Variants in ASPM observed in about 807,000 individuals in gnomAD.
The protein encoded by ASPM is abnormal spindle-like microcephaly-associated protein.
Under a neutral mutation model 366.4 loss-of-function variants are expected in ASPM, and 256 were observed. That is an observed-to-expected ratio of 0.70 (90% CI 0.63 to 0.77). ASPM has a LOEUF of 0.77. ASPM is among the 30% of genes least tolerant of loss of function. ASPM has a pLI of 0.00. For missense variants in ASPM, 4,146 were observed against 4,090.4 expected, an observed-to-expected ratio of 1.01 and a Z score of -0.37; for synonymous variants, 1,414 against 1,342.9, an observed-to-expected ratio of 1.05 and a Z score of -1.16.
At chr1:197,114,831 C>T (rs540539588) in intron 17 of ASPM, among the ~76,000 whole-genome samples, 1 of 152,320 alleles carries the variant, frequency 6.6e-6, no homozygotes, top group Non-Finnish European at 1.5e-5. Context: ...TCACTGCAAC[C>T]TCCACCTCCC....
chr1:197,140,949 T>C (rs1658559566), intron 3 of ASPM, among the ~76,000 whole-genome samples: 1 of 152,184 alleles, frequency 6.6e-6, no homozygotes, highest in Non-Finnish European at 1.5e-5. Context: ...GTTGATATAA[T>C]GCCAGGTGGC....
chr1:197,128,401 G>A, intron 10 of ASPM, 89 bp downstream of exon 10: 2 of 1,292,094 alleles, frequency 1.5e-6, no homozygotes, highest in Non-Finnish European at 1.1e-6. Flanking sequence ...CTACTTGAAA[G>A]AGCAAGATTG....
Position 197,143,329 on chromosome 1 carries a change from A to T in ASPM, c.923T>A (p.Ile308Asn), listed in dbSNP as rs190712767. Residue 308 changes from isoleucine to asparagine, a missense_variant, in exon 3 of 28, where the codon ATT becomes AAT. Physicochemically the swap from Ile to Asn is moderately radical, Grantham distance 149. Transcript: ENST00000367409. ...TAGAAAATGTATTTGGCTTTGTGTA[A>T]TGTTCAAAGTTGAAGAACAGTTGGG... is the stretch of plus-strand genomic sequence containing the variant. ...LTPNCSSTLN[I>N]TQSQIHFLSP... 3 of 1,613,978 alleles carry T rather than the reference A, an allele frequency of 1.9e-6. No homozygotes were observed. The highest frequency in any genetic ancestry group is 2.5e-6 in the Non-Finnish European group (3 of 1,179,848).
chr1:197,130,725 A>G (rs537084756), intron 7 of ASPM, among the ~76,000 whole-genome samples: 18 of 152,162 alleles, frequency 1.2e-4, no homozygotes, highest in Admixed American at 3.9e-4. Context: ...TAAAATCCTC[A>G]CGTACATTTA....
At chr1:197,116,619 T>G (rs567208699) in intron 17 of ASPM, among the ~76,000 whole-genome samples, 3 of 151,992 alleles carry the variant, frequency 2.0e-5, no homozygotes, top group Admixed American at 2.0e-4. Context: ...TTGAAGAGAC[T>G]GAATACATTT....
Position 197,125,815 on chromosome 1 carries a change from C to A in ASPM, c.2937-624G>T, listed in dbSNP as rs1437086591. Among the ~76,000 whole-genome samples the A allele has an allele frequency of 2.6e-5, 4 of 151,950 alleles. No homozygotes were observed. The East Asian group carries it at 5.8e-4, about 22-fold the overall frequency. On this transcript the variant is annotated intron_variant, in intron 10 of 27. Coordinates refer to ENST00000367409, the MANE Select transcript of ASPM (RefSeq NM_018136.5). ...ACCTAACAAAGACAGAAAAAGCAAA[C>A]CCCAACTGATTTCTGTCTTCAACAA...
intron 17 of ASPM, among the ~76,000 whole-genome samples, chr1:197,115,076 C>T (rs1462906898): frequency 6.6e-6 from 1 of 151,834 alleles, no homozygotes; most frequent in Non-Finnish European, 1.5e-5. Flanking sequence ...TGGGGTCTCA[C>T]TTTGTTGCCC....
At chr1:197,095,839 T>C (rs1213331042) in intron 19 of ASPM, among the ~76,000 whole-genome samples, 159 bp downstream of exon 19, 1 of 151,844 alleles carries the variant, frequency 6.6e-6, no homozygotes, top group East Asian at 1.9e-4. Context: ...AGAGATGTAT[T>C]TTGTTTCCTT....
At chr1:197,136,766 G>A (rs1249113172) in intron 4 of ASPM, among the ~76,000 whole-genome samples, 4 of 152,028 alleles carry the variant, frequency 2.6e-5, no homozygotes, top group Non-Finnish European at 5.9e-5. Context: ...AACTCTCCAT[G>A]CTACATAAAT....
chr1:197,090,327 C>T lies in ASPM; in HGVS notation c.9698G>A (p.Arg3233Gln), dbSNP rs1023109833. Residue 3233 changes from arginine (R) to glutamine (Q), a missense_variant, in exon 24 of 28, where the codon CGA (arginine) becomes CAA (glutamine). Arg to Gln is a conservative substitution (Grantham distance 43). This residue lies in a region of ASPM where 3,624 missense variants were observed against 3,591.7 expected (regional missense o/e 1.01). Coordinates refer to ENST00000367409, the MANE Select transcript of ASPM (RefSeq NM_018136.5). Reference protein sequence around the residue: ...KNDCTKIKAIRLSLQVVNREI... With the variant: ...KNDCTKIKAIQLSLQVVNREI... ...CCTATTAACAACTTGAAGACTTAGTCGTATAGCTTTAATTTTTGTACAATC... is the reference window on the plus strand; with the variant it reads ...CCTATTAACAACTTGAAGACTTAGTTGTATAGCTTTAATTTTTGTACAATC... 4 of 1,612,388 alleles carry T rather than the reference C, an allele frequency of 2.5e-6. No individual in the cohort carries two copies. Among genetic ancestry groups the T allele is most frequent in the Non-Finnish European group, 2.5e-6 (3 of 1,179,100 alleles).
In ASPM at chr1:197,124,231, G is replaced by A. The variant is rs16841081; in HGVS notation, c.3269C>T (p.Ser1090Phe). 7.8e-3 allele frequency: 12,616 copies of A among 1,609,054 alleles called. 833 individuals carry two copies. The African/African-American group carries it at 0.15, about 19-fold the overall frequency. ...TTTTTTCTTATTAATAAGATCATCA[G>A]AATGGCATGATAGTAGAGATATTGT... ...KKTISLLSCH[S>F]DDLINKKKGK... is the part of the protein sequence containing the mutation. Residue 1090 changes from serine to phenylalanine, a missense_variant, in exon 13 of 28, where the codon TCT becomes TTT. This residue lies in a region of ASPM where 3,624 missense variants were observed against 3,591.7 expected (regional missense o/e 1.01). Transcript: ENST00000367409.
At position 197,129,270 on chromosome 1, in the gene ASPM, A is replaced by C; in HGVS notation, c.2677T>G (p.Leu893Val). 1 of 1,613,006 alleles carries C rather than the reference A, an allele frequency of 6.2e-7. No homozygotes were observed. The highest frequency in any genetic ancestry group is 8.5e-7 in the Non-Finnish European group (1 of 1,179,148). ...SKFTLKKLLL[L>V]VCFLDYAKIS... Reference sequence around the variant, plus strand: ...TTAGCATAATCAAGAAAACAGACCAACAACAATAACTTTTTCAATGTAAAC... The same window carrying C: ...TTAGCATAATCAAGAAAACAGACCACCAACAATAACTTTTTCAATGTAAAC... The change falls in exon 9 of 28, where the codon TTG becomes GTG. Residue 893 changes from leucine (L) to valine (V), a missense_variant. Around this residue, in one of 3 missense-constraint regions of ASPM, gnomAD observed 3,624 missense variants for 3,591.7 expected, o/e 1.01. Coordinates refer to ENST00000367409, the MANE Select transcript of ASPM (RefSeq NM_018136.5).
Position 197,146,568 on chromosome 1 carries a change from C to T in ASPM, c.-131G>A. The T allele has an allele frequency of 2.0e-6, 2 of 982,144 alleles. No individual in the cohort carries two copies. The highest frequency in any genetic ancestry group is 3.1e-6 in the Non-Finnish European group (2 of 652,652). 60.8% of individuals were successfully genotyped at this position (982,144 alleles called of 1,614,324 possible). A position where few individuals can be genotyped will look rare whatever the true frequency, so the allele number is the denominator to read the frequency against. The stretch of plus-strand genomic sequence containing the variant: ...TAGAGGTCGTGGGAGTGAATTCGGC[C>T]CTTTTTCTTTTCCACTAACCTACTC... On this transcript the variant is annotated 5_prime_UTR_variant, in exon 1 of 28. Transcript: ENST00000367409.
intron 4 of ASPM, among the ~76,000 whole-genome samples, chr1:197,138,219 T>C (rs1658477320): frequency 6.6e-6 from 1 of 152,226 alleles, no homozygotes; most frequent in Admixed American, 6.5e-5. Flanking sequence ...ATTGATTGAA[T>C]GTCATCTTCG....
chr1:197,131,319 A>G (rs780365901), intron 7 of ASPM, among the ~76,000 whole-genome samples: 3 of 152,200 alleles, frequency 2.0e-5, no homozygotes, highest in Non-Finnish European at 4.4e-5. Context: ...AAAATGTGAA[A>G]GCATACTAGC....
intron 22 of ASPM, among the ~76,000 whole-genome samples, 159 bp downstream of exon 22, chr1:197,091,748 A>G (rs2125088814): frequency 1.3e-5 from 2 of 152,154 alleles, no homozygotes; most frequent in African/African-American, 4.8e-5. Context: ...ATAAAACATC[A>G]ATCTATTTCT....
rs1302259305 is a variant in ASPM, at chr1:197,094,165, T to C, written c.9003A>G (p.Arg3001=). The C allele has an allele frequency of 1.9e-6, 3 of 1,605,160 alleles. No homozygotes were observed. Among genetic ancestry groups the C allele is most frequent in the Admixed American group, 1.7e-5 (1 of 59,442 alleles). Residue 3001 remains arginine, a synonymous_variant, in exon 20 of 28, where the codon AGA becomes AGG. Transcript: ENST00000367409. ...KLERTRFLNV[R]ASAIIIQRKW... ...TTCTCTGAATGATAATTGCTGATGC[T>C]CTCACATTCAAAAACCTAAAAAGTA... is the stretch of plus-strand genomic sequence containing the variant.
At chr1:197,097,619 G>C (rs957525389) in intron 18 of ASPM, among the ~76,000 whole-genome samples, 2 of 151,504 alleles carry the variant, frequency 1.3e-5, no homozygotes, top group African/African-American at 2.4e-5. Flanking sequence ...TATTGTATAC[G>C]GTTTTTATGT....
intron 20 of ASPM, 146 bp from the exon 21 acceptor site, chr1:197,093,407 TGAAG>T: frequency 3.8e-6 from 3 of 783,230 alleles, no homozygotes; most frequent in Non-Finnish European, 6.4e-6. Context: ...GAAATGATGA[TGAAG>T]CATTATTTCT....
Sources: gnomAD v4.1 joint callset for allele counts (sites outside exome capture counted in the v4.1 genomes callset) on GRCh38, gnomAD v4.1.1 for gene constraint, gnomAD v4.1.1 regional missense constraint, MANE v1.5 for transcripts, NCBI Gene and HGNC (gene_info 2026-07-23, HGNC 2026-07-21) for gene names.